The following SLC16A12 variants were observed in gnomAD, a reference collection of about 807,000 sequenced individuals.
The protein encoded by SLC16A12 is monocarboxylate transporter 12.
Under a neutral mutation model 42.4 loss-of-function variants are expected in SLC16A12, and 17 were observed. The observed-to-expected ratio is 0.40, with a 90% CI of 0.27 to 0.60. The LOEUF is 0.60. Among genes scored for constraint, SLC16A12 ranks in the 20% least tolerant of loss-of-function variants. The pLI is 0.42. For synonymous variants in SLC16A12, 224 were observed against 229.4 expected, an observed-to-expected ratio of 0.98 and a Z score of 0.21; for missense variants, 544 against 623.0, an observed-to-expected ratio of 0.87 and a Z score of 1.35.
intron 2 of SLC16A12, 103 bp from the exon 3 acceptor site, chr10:89,462,727 AGTATTT>A (rs1190851648): frequency 2.3e-6 from 3 of 1,290,600 alleles, no homozygotes; most frequent in Non-Finnish European, 2.1e-6. Flanking sequence ...ATTAAATATG[AGTATTT>A]GTAACTATGA....
At chr10:89,503,004 G>A (rs2133824641) in intron 2 of SLC16A12, among the ~76,000 whole-genome samples, 1 of 152,250 alleles carries the variant, frequency 6.6e-6, no homozygotes, top group Non-Finnish European at 1.5e-5. Flanking sequence ...GTTCCTATTT[G>A]GTAATAAGTA....
intron 4 of SLC16A12, among the ~76,000 whole-genome samples, 189 bp from the exon 5 acceptor site, chr10:89,441,440 G>C (rs747662820): frequency 2.0e-5 from 3 of 152,082 alleles, no homozygotes; most frequent in Non-Finnish European, 4.4e-5. Context: ...TAAGCAGCAG[G>C]GTTGGAATAG....
chr10:89,542,183 T>A (rs1843719342), intron 2 of SLC16A12, among the ~76,000 whole-genome samples: 1 of 152,160 alleles, frequency 6.6e-6, no homozygotes, highest in Non-Finnish European at 1.5e-5. Flanking sequence ...TAGAAGACTA[T>A]TTTTACAAAA....
At chr10:89,450,133 G>C (rs1446004002) in intron 3 of SLC16A12, among the ~76,000 whole-genome samples, 2 of 152,254 alleles carry the variant, frequency 1.3e-5, no homozygotes, top group Non-Finnish European at 2.9e-5. Flanking sequence ...AGGATGTGGA[G>C]AAATAGGAAC....
intron 2 of SLC16A12, among the ~76,000 whole-genome samples, chr10:89,532,648 C>A (rs1374557409): frequency 6.6e-6 from 1 of 152,186 alleles, no homozygotes; most frequent in African/African-American, 2.4e-5. Context: ...CCAAAAGCGG[C>A]ACTGAATACT....
intron 3 of SLC16A12, among the ~76,000 whole-genome samples, chr10:89,445,658 C>A (rs1841988714): frequency 1.3e-5 from 2 of 152,150 alleles, no homozygotes; most frequent in South Asian, 4.1e-4. Context: ...GAAACCAGAG[C>A]AGAAAAGCTG....
chr10:89,480,024 G>A (rs1307688493), intron 2 of SLC16A12, among the ~76,000 whole-genome samples: 2 of 152,030 alleles, frequency 1.3e-5, no homozygotes, highest in Non-Finnish European at 2.9e-5. Context: ...GGCCCTTTAG[G>A]TCATGATGCA....
chr10:89,534,211 G>T (rs1329886126), intron 2 of SLC16A12, among the ~76,000 whole-genome samples: 2 of 152,188 alleles, frequency 1.3e-5, no homozygotes, highest in African/African-American at 4.8e-5. Flanking sequence ...CACCTTGGGG[G>T]CGCAGGGGGT....
At chr10:89,484,901 A>G (rs1284508381) in intron 2 of SLC16A12, among the ~76,000 whole-genome samples, 1 of 152,068 alleles carries the variant, frequency 6.6e-6, no homozygotes, top group East Asian at 1.9e-4. Context: ...CCTGTTCTGC[A>G]CCTCCCTGGC....
chr10:89,504,124 C>T (rs1032575753), intron 2 of SLC16A12, among the ~76,000 whole-genome samples: 2 of 152,162 alleles, frequency 1.3e-5, no homozygotes, highest in Non-Finnish European at 2.9e-5. Flanking sequence ...ACCACTCTTT[C>T]CCATATCTAC....
rs1452276653 is a variant in SLC16A12, at chr10:89,430,979, T to A, written c.*2085A>T. ...AAACAGATATAACTTCATCTTAACTTTGACATTTTACAGATACCTTCCAAT... is the reference window on the plus strand; with the variant it reads ...AAACAGATATAACTTCATCTTAACTATGACATTTTACAGATACCTTCCAAT... On this transcript the variant is annotated 3_prime_UTR_variant, in exon 8 of 8. Transcript: ENST00000371790. 10 of 291,922 alleles carry A rather than the reference T, an allele frequency of 3.4e-5. No homozygotes were observed. Among genetic ancestry groups the A allele is most frequent in the Non-Finnish European group, 6.5e-5 (10 of 153,580 alleles). 18.1% of individuals were successfully genotyped at this position (291,922 alleles called of 1,614,324 possible).
intron 2 of SLC16A12, among the ~76,000 whole-genome samples, chr10:89,500,205 A>G (rs1035781388): frequency 6.6e-6 from 1 of 152,206 alleles, no homozygotes; most frequent in African/African-American, 2.4e-5. Flanking sequence ...GGATTCTACC[A>G]TACATTCAAA....
Position 89,431,022 on chromosome 10 carries a change from G to C in SLC16A12, c.*2042C>G, listed in dbSNP as rs1056698572. The C allele has an allele frequency of 6.9e-6, 2 of 290,120 alleles. No individual in the cohort carries two copies. The allele number at this position is 290,120 out of a possible 1,614,324, so 18.0% of individuals were successfully genotyped here. On this transcript the variant is annotated 3_prime_UTR_variant, in exon 8 of 8. Coordinates refer to ENST00000371790, the MANE Select transcript of SLC16A12 (RefSeq NM_213606.4). Reference sequence around the variant, plus strand: ...CTTCCAATTTTTTTTTTTTGAGATGGAGTCTTGCTCTGTCGCCCAGGGTGG... The same window carrying C: ...CTTCCAATTTTTTTTTTTTGAGATGCAGTCTTGCTCTGTCGCCCAGGGTGG...
intron 2 of SLC16A12, among the ~76,000 whole-genome samples, chr10:89,475,540 AG>A (rs1456162515): frequency 6.6e-6 from 1 of 152,222 alleles, no homozygotes; most frequent in African/African-American, 2.4e-5. Context: ...ATAATGTTCT[AG>A]GTGAAGAGAG....
At chr10:89,437,169 T>C (rs1248222867) in intron 6 of SLC16A12, among the ~76,000 whole-genome samples, 5 of 152,210 alleles carry the variant, frequency 3.3e-5, no homozygotes, top group Non-Finnish European at 7.3e-5. Flanking sequence ...GGGGAAACTG[T>C]AATACAAAGA....
At chr10:89,539,920 T>A (rs796869576), upstream of SLC16A12, among the ~76,000 whole-genome samples, 1 of 114,878 alleles carries the variant, frequency 8.7e-6, no homozygotes, top group Admixed American at 8.8e-5. Flanking sequence ...TTTTTTCTTT[T>A]TTTCTTTCTT....
chr10:89,549,097 C>T (rs1013155706), intron 2 of SLC16A12, among the ~76,000 whole-genome samples: 2 of 152,200 alleles, frequency 1.3e-5, no homozygotes, highest in Non-Finnish European at 2.9e-5. Context: ...GAAAAACAGG[C>T]ATAGCCAGCT....
intron 2 of SLC16A12, among the ~76,000 whole-genome samples, chr10:89,517,700 T>C (rs1382420964): frequency 6.6e-6 from 1 of 152,108 alleles, no homozygotes; most frequent in East Asian, 1.9e-4. Flanking sequence ...ACAGGGGCGG[T>C]TGGGCAGTAA....
intron 2 of SLC16A12, among the ~76,000 whole-genome samples, chr10:89,544,571 T>C (rs1414733361): frequency 1.3e-5 from 2 of 152,248 alleles, no homozygotes; most frequent in Non-Finnish European, 2.9e-5. Flanking sequence ...CCAAATTAAA[T>C]TTAAATACAA....
Sources: gnomAD v4.1 joint callset for allele counts (sites outside exome capture counted in the v4.1 genomes callset) on GRCh38, gnomAD v4.1.1 for gene constraint, MANE v1.5 for transcripts, NCBI Gene and HGNC (gene_info 2026-07-23, HGNC 2026-07-21) for gene names.